MCM9: variants seen among roughly 807,000 people sequenced by gnomAD.
MCM9 encodes the protein minichromosome maintenance 9 homologous recombination repair factor, also known as DNA helicase MCM9.
A neutral mutation model predicts 72.8 loss-of-function variants in MCM9; 55 were observed. The ratio of observed to expected loss-of-function variants is 0.76; its 90% confidence interval spans 0.61 to 0.95. MCM9 has a LOEUF of 0.95. MCM9 is among the 40% of genes least tolerant of loss of function. The probability of loss-of-function intolerance (pLI) is 0.00; values close to 1 mark genes in which losing one functional copy is unlikely to be tolerated. For synonymous variants in MCM9, 480 were observed against 503.4 expected (o/e 0.95, Z 0.62); for missense variants, 1,279 against 1,377.0 (o/e 0.93, Z 1.13).
At chr6:118,917,232 T>A (rs963275739) in intron 6 of MCM9, among the ~76,000 whole-genome samples, 3 of 152,216 alleles carry the variant, frequency 2.0e-5, no homozygotes, top group Non-Finnish European at 4.4e-5. Flanking sequence ...TTTAATAGGA[T>A]GAGGGTTCAT....
chr6:118,865,022 C>T (rs1261176840), intron 8 of MCM9, among the ~76,000 whole-genome samples: 1 of 152,182 alleles, frequency 6.6e-6, no homozygotes. Flanking sequence ...AGTGGACCGG[C>T]ACTTCTTGAG....
At chr6:118,908,194 C>T (rs900404624) in intron 8 of MCM9, 1 of 152,134 alleles carries the variant, frequency 6.6e-6, no homozygotes, top group Non-Finnish European at 1.5e-5. Context: ...AGATGTTGGA[C>T]AGCATTTGGT....
At chr6:118,859,066 A>C (rs992015347) in intron 8 of MCM9, among the ~76,000 whole-genome samples, 2 of 152,230 alleles carry the variant, frequency 1.3e-5, no homozygotes, top group African/African-American at 4.8e-5. Flanking sequence ...GGTTAGGCAG[A>C]TAGAACACTG....
At chr6:118,893,986 G>A in intron 8 of MCM9, 1 of 971,398 alleles carries the variant, frequency 1.0e-6, no homozygotes, top group Non-Finnish European at 1.2e-6. Context: ...CGCCGCCGCC[G>A]GCGGCCTCCG....
chr6:118,902,678 G>A (rs1167427593), intron 8 of MCM9, among the ~76,000 whole-genome samples: 1 of 152,108 alleles, frequency 6.6e-6, no homozygotes, highest in Non-Finnish European at 1.5e-5. Context: ...GTATTCAAAA[G>A]TATTTCCTGC....
intron 9 of MCM9, among the ~76,000 whole-genome samples, chr6:118,839,262 T>C (rs1248835817): frequency 6.6e-6 from 1 of 151,954 alleles, no homozygotes. Flanking sequence ...ATGCTATGTT[T>C]TTCAGCTCCG....
At chr6:118,824,861 C>T (rs1199161416) in intron 13 of MCM9, among the ~76,000 whole-genome samples, 1 of 152,098 alleles carries the variant, frequency 6.6e-6, no homozygotes, top group Non-Finnish European at 1.5e-5. Context: ...TTGTTGCTTT[C>T]AGGAGGATCA....
In MCM9 at chr6:118,829,086, C is replaced by T; in HGVS notation, c.1490G>A (p.Trp497Ter). The change falls in exon 10 of 14, where the codon TGG (tryptophan) becomes TAG (stop). Residue 497 changes from tryptophan to a stop codon, truncating the protein, a stop_gained. Transcript: ENST00000619706. LOFTEE classifies it high-confidence loss of function. ...LVLLDTKNED[W>*]DRIISSFILE... is the part of the protein sequence containing the mutation. ...GATAAAGGAGGAAATGATACGATCC[C>T]AGTCTTCATTCTTGGTATCAAGCAA... 1 of 1,550,606 alleles carries T rather than the reference C, an allele frequency of 6.4e-7. No homozygotes were observed. Among genetic ancestry groups the T allele is most frequent in the South Asian group, 1.2e-5 (1 of 84,054 alleles).
chr6:118,888,201 T>C (rs1361537841), intron 8 of MCM9, among the ~76,000 whole-genome samples: 5 of 152,006 alleles, frequency 3.3e-5, no homozygotes, highest in Non-Finnish European at 1.5e-5. Flanking sequence ...AAAAACAGTC[T>C]GGTGGCCGGG....
rs1025215247 is a variant in MCM9, at chr6:118,815,356, G to T, written c.2900C>A (p.Pro967Gln). 6.5e-7 allele frequency: 1 copy of T among 1,550,020 alleles called. No individual in the cohort carries two copies. Among genetic ancestry groups the T allele is most frequent in the Non-Finnish European group, 8.7e-7 (1 of 1,146,594 alleles). Residue 967 changes from proline (P) to glutamine (Q), a missense_variant, in exon 14 of 14, where the codon CCG becomes CAG. Transcript: ENST00000619706. ...QRRTRRDAAL[P>Q]VKRPGKLTST... ...TGTTAACTTTCCTGGACGCTTCACC[G>T]GCAAGGCTGCGTCTCTTCTTGTTCT...
chr6:118,849,819 GA>G (rs1776110551), intron 9 of MCM9, among the ~76,000 whole-genome samples: 1 of 151,796 alleles, frequency 6.6e-6, no homozygotes, highest in Non-Finnish European at 1.5e-5. Context: ...TTTTGGATAA[GA>G]AAGAGGGGAG....
At chr6:118,855,816 A>C (rs1330045408) in intron 9 of MCM9, among the ~76,000 whole-genome samples, 1 of 152,170 alleles carries the variant, frequency 6.6e-6, no homozygotes, top group Non-Finnish European at 1.5e-5. Context: ...TTTCTGTCTG[A>C]ACCTGGCTTA....
At chr6:118,893,438 CTT>C (rs1448710400) in intron 8 of MCM9, among the ~76,000 whole-genome samples, 2 of 152,162 alleles carry the variant, frequency 1.3e-5, no homozygotes, top group Admixed American at 6.5e-5. Context: ...GATCACACCT[CTT>C]GTGATTTTTT....
At chr6:118,888,074 G>A (rs1340106921) in intron 8 of MCM9, among the ~76,000 whole-genome samples, 1 of 152,174 alleles carries the variant, frequency 6.6e-6, no homozygotes, top group Non-Finnish European at 1.5e-5. Context: ...AAACCACAAT[G>A]AGATACTATG....
chr6:118,869,236 A>C (rs1182862055), intron 8 of MCM9, among the ~76,000 whole-genome samples: 6 of 152,166 alleles, frequency 3.9e-5, no homozygotes, highest in Non-Finnish European at 5.9e-5. Flanking sequence ...CAAGGTGGGG[A>C]ACATCACACA....
intron 3 of MCM9, 73 bp from the exon 4 acceptor site, chr6:118,924,200 T>C: frequency 7.6e-7 from 1 of 1,313,264 alleles, no homozygotes; most frequent in Non-Finnish European, 1.0e-6. Flanking sequence ...ATTCTTCTCC[T>C]ATTTCCTGAA....
rs9385059 is a variant in MCM9 at position 118,915,737 on chromosome 6, T to C, written c.904+1824A>G. 4.1e-3 allele frequency among the ~76,000 whole-genome samples: 617 copies of C among 152,336 alleles called. 11 individuals are homozygous for C. The East Asian group carries it at 0.042, about 10-fold the overall frequency. On this transcript the variant is annotated intron_variant, in intron 6 of 13. Transcript: ENST00000619706. ...ATACCAGTACACTGGTGCTGGTCCATAGGAAACTGAGAATCCATTCATACT... is the reference window on the plus strand; with the variant it reads ...ATACCAGTACACTGGTGCTGGTCCACAGGAAACTGAGAATCCATTCATACT...
intron 9 of MCM9, among the ~76,000 whole-genome samples, chr6:118,834,408 G>A (rs574118648): frequency 3.7e-4 from 56 of 151,588 alleles, no homozygotes; most frequent in Admixed American, 2.0e-3. Context: ...ATGGTATGTC[G>A]GTTATAGATC....
In MCM9 at chr6:118,867,879, C is replaced by CTTTTTT. The variant is rs1554258631; in HGVS notation, c.1151-11335_1151-11334insAAAAAA. ...TTAATTATATTTCTTTTTTCTTTTT[C>CTTTTTT]TTTTTCTTTTTTTTTGAGATGAAGT... On this transcript the variant is annotated intron_variant, in intron 8 of 13. Coordinates refer to ENST00000619706, the MANE Select transcript of MCM9 (RefSeq NM_017696.3). Among the ~76,000 whole-genome samples the CTTTTTT allele has an allele frequency of 3.1e-4, 43 of 137,516 alleles. 7 individuals are homozygous for CTTTTTT. Among genetic ancestry groups the CTTTTTT allele is most frequent in the Middle Eastern group, 8.2e-3 (2 of 244 alleles). 90.2% of individuals were successfully genotyped at this position (137,516 alleles called of 152,430 possible). A position where few individuals can be genotyped will look rare whatever the true frequency, so the allele number is the denominator to read the frequency against.
Sources: allele counts gnomAD v4.1 joint callset (sites outside exome capture counted in the v4.1 genomes callset), GRCh38; gene constraint gnomAD v4.1.1; transcripts MANE v1.5; gene names NCBI Gene and HGNC (gene_info 2026-07-23, HGNC 2026-07-21).